ENPP2: variants seen among roughly 807,000 people sequenced by gnomAD.
The protein encoded by ENPP2 is autotaxin.
Under a neutral mutation model 120.2 loss-of-function variants are expected in ENPP2, and 51 were observed. That is an observed-to-expected ratio of 0.42 (90% CI 0.34 to 0.54). The LOEUF is 0.54. ENPP2 is among the 20% of genes least tolerant of loss of function. The pLI is 0.04. For missense variants in ENPP2, 920 were observed against 1,066.5 expected, an observed-to-expected ratio of 0.86 and a Z score of 1.91; for synonymous variants, 365 against 366.4, an observed-to-expected ratio of 1.00 and a Z score of 0.04.
At chr8:119,605,465 T>TGTGTGTGTGTG (rs1434195692) in intron 9 of ENPP2, among the ~76,000 whole-genome samples, 3 of 146,276 alleles carry the variant, frequency 2.1e-5, no homozygotes, top group South Asian at 2.1e-4. Context: ...TGTGTGTGTG[T>TGTGTGTGTGTG]ATTTTTTTTT....
intron 1 of ENPP2, among the ~76,000 whole-genome samples, chr8:119,653,003 C>G (rs150176459): frequency 4.4e-4 from 67 of 152,224 alleles, no homozygotes; most frequent in African/African-American, 1.4e-3. Flanking sequence ...TATAGAAGCC[C>G]ATGTTTGGCT....
chr8:119,586,462 T>G, intron 14 of ENPP2, 149 bp from the exon 15 acceptor site: 1 of 669,634 alleles, frequency 1.5e-6, no homozygotes, highest in Non-Finnish European at 2.5e-6. Context: ...AAATAATGTA[T>G]GCTGAAAACA....
intron 1 of ENPP2, among the ~76,000 whole-genome samples, chr8:119,659,185 C>A (rs982017365): frequency 6.6e-6 from 1 of 151,930 alleles, no homozygotes; most frequent in Non-Finnish European, 1.5e-5. Flanking sequence ...GATGTGGTAG[C>A]GTGCACCTGT....
At chr8:119,638,724 C>T (rs937380201) in intron 1 of ENPP2, 24 bp downstream of exon 1, 8 of 1,366,174 alleles carry the variant, frequency 5.9e-6, no homozygotes, top group Middle Eastern at 3.6e-4. Context: ...AAGCATGTCC[C>T]CCGTCATTCC....
intron 1 of ENPP2, among the ~76,000 whole-genome samples, chr8:119,656,668 TATATAA>T (rs1817773364): frequency 6.6e-6 from 1 of 152,072 alleles, no homozygotes; most frequent in Non-Finnish European, 1.5e-5. Context: ...AAACAGAAAA[TATATAA>T]ATATATTAGT....
At chr8:119,632,443 A>G (rs1443096090) in intron 2 of ENPP2, among the ~76,000 whole-genome samples, 1 of 152,246 alleles carries the variant, frequency 6.6e-6, no homozygotes, top group Non-Finnish European at 1.5e-5. Flanking sequence ...TACATATTCA[A>G]ATGATGTTAT....
At chr8:119,579,307 A>G (rs1812564590) in intron 19 of ENPP2, among the ~76,000 whole-genome samples, 1 of 152,162 alleles carries the variant, frequency 6.6e-6, no homozygotes, top group African/African-American at 2.4e-5. Context: ...TCCCTACACC[A>G]TTGGTATCAT....
intron 2 of ENPP2, among the ~76,000 whole-genome samples, chr8:119,629,571 G>A (rs1471725929): frequency 6.6e-6 from 1 of 152,162 alleles, no homozygotes; most frequent in Non-Finnish European, 1.5e-5. Flanking sequence ...TTCAACTAAA[G>A]CAAACAGATT....
At chr8:119,625,719 C>T (rs1816224983) in intron 3 of ENPP2, among the ~76,000 whole-genome samples, 1 of 152,164 alleles carries the variant, frequency 6.6e-6, no homozygotes, top group Non-Finnish European at 1.5e-5. Flanking sequence ...GGATAGCTTA[C>T]AAGATATCTC....
intron 19 of ENPP2, chr8:119,571,939 C>T (rs1433170016): frequency 3.0e-5 from 12 of 402,778 alleles, no homozygotes; most frequent in African/African-American, 2.2e-4. Context: ...GACAAAGCGG[C>T]CCACACTATT....
At chr8:119,568,154 T>G in intron 22 of ENPP2, 21 bp downstream of exon 22, 1 of 1,219,028 alleles carries the variant, frequency 8.2e-7, no homozygotes, top group South Asian at 1.2e-5. Context: ...TAACAGTGTA[T>G]TAGGTAAATA....
chr8:119,657,055 G>C (rs1476010374), intron 1 of ENPP2, among the ~76,000 whole-genome samples: 1 of 152,036 alleles, frequency 6.6e-6, no homozygotes, highest in Admixed American at 6.5e-5. Flanking sequence ...AGCCTCCCGA[G>C]TAGCTGGGAT....
intron 2 of ENPP2, among the ~76,000 whole-genome samples, chr8:119,630,296 C>A (rs1420257988): frequency 1.3e-5 from 2 of 152,066 alleles, no homozygotes; most frequent in Non-Finnish European, 2.9e-5. Flanking sequence ...TTAGTAGAGA[C>A]AGGGTTTCAC....
rs141497078 is a variant in ENPP2 at position 119,634,740 on chromosome 8, T to C, written c.136+3685A>G. 9.5e-3 allele frequency among the ~76,000 whole-genome samples: 1,444 copies of C among 152,294 alleles called. 23 individuals are homozygous for C. Among genetic ancestry groups the C allele is most frequent in the African/African-American group, 0.033 (1,369 of 41,552 alleles). On this transcript the variant is annotated intron_variant, in intron 2 of 24. Transcript: ENST00000075322. ...CATAGTTTTCAAATTTTAGAAGTTCTTTTCAAAATATAATTTTGGGGAAGA... is the reference window on the plus strand; with the variant it reads ...CATAGTTTTCAAATTTTAGAAGTTCCTTTCAAAATATAATTTTGGGGAAGA...
intron 22 of ENPP2, among the ~76,000 whole-genome samples, 161 bp from the exon 23 acceptor site, chr8:119,565,116 G>A (rs1814309837): frequency 6.6e-6 from 1 of 152,108 alleles, no homozygotes; most frequent in Non-Finnish European, 1.5e-5. Context: ...GGCATTACCA[G>A]TGTGTGTGTC....
intron 2 of ENPP2, among the ~76,000 whole-genome samples, chr8:119,628,333 A>C (rs185486614): frequency 6.6e-6 from 1 of 152,170 alleles, no homozygotes. Context: ...ATTTAGAAAG[A>C]CCTATCAACA....
At chr8:119,658,132 T>C (rs1475160932) in intron 1 of ENPP2, among the ~76,000 whole-genome samples, 1 of 152,230 alleles carries the variant, frequency 6.6e-6, no homozygotes, top group Non-Finnish European at 1.5e-5. Flanking sequence ...GTAATATTGA[T>C]TATGTGTTTA....
intron 19 of ENPP2, chr8:119,571,474 A>T (rs573221609): frequency 2.0e-5 from 3 of 152,236 alleles, no homozygotes; most frequent in Non-Finnish European, 2.9e-5. Flanking sequence ...AAAGAACTCA[A>T]TGAAGACCCC....
chr8:119,569,738 T>TTGTGTGTGTGTGTGTG (rs754303358), intron 20 of ENPP2, among the ~76,000 whole-genome samples: 29 of 90,826 alleles, frequency 3.2e-4, no homozygotes, highest in South Asian at 3.2e-3. Context: ...AATAGACTAT[T>TTGTGTGTGTGTGTGTG]TATCTGTGTG....
Sources: allele counts gnomAD v4.1 joint callset (sites outside exome capture counted in the v4.1 genomes callset), GRCh38; gene constraint gnomAD v4.1.1; transcripts MANE v1.5; gene names NCBI Gene and HGNC (gene_info 2026-07-23, HGNC 2026-07-21).